Variants in SNORC observed in about 807,000 individuals in gnomAD.
The protein encoded by SNORC is secondary ossification center associated regulator of chondrocyte maturation.
In SNORC, 11 loss-of-function variants were observed where a neutral mutation model predicts 9.7. The ratio of observed to expected loss-of-function variants is 1.14; its 90% CI spans 0.72 to 1.88. The LOEUF (loss-of-function observed/expected upper bound fraction) is 1.88. Ranked by LOEUF, SNORC falls within the 40% of genes most tolerant of loss-of-function variation. SNORC has a pLI of 0.00. For missense variants in SNORC, 197 were observed against 173.1 expected (o/e 1.14, Z -0.77); for synonymous variants, 108 against 88.7 (o/e 1.22, Z -1.22).
chr2:232,867,267 C>G (rs917267080), upstream of SNORC, among the ~76,000 whole-genome samples: 6 of 152,294 alleles, frequency 3.9e-5, no homozygotes, highest in African/African-American at 1.4e-4. Flanking sequence ...CTCAGTATTT[C>G]CTTATTTGCT....
intron 1 of SNORC, among the ~76,000 whole-genome samples, chr2:232,871,595 T>C (rs1691026494): frequency 6.6e-6 from 1 of 152,086 alleles, no homozygotes; most frequent in African/African-American, 2.4e-5. Context: ...AACAGAACTC[T>C]ACTTCCTCCC....
intron 1 of SNORC, among the ~76,000 whole-genome samples, chr2:232,873,823 C>G (rs1275177053): frequency 1.3e-5 from 2 of 152,236 alleles, no homozygotes; most frequent in African/African-American, 4.8e-5. Context: ...GGCTGGGTCA[C>G]TTCCCCTCCT....
upstream of SNORC, among the ~76,000 whole-genome samples, chr2:232,866,475 G>A (rs1014800635): frequency 3.3e-5 from 5 of 152,158 alleles, no homozygotes; most frequent in African/African-American, 9.7e-5. Context: ...GTGTAGCTGT[G>A]TATTGCTTGG....
At chr2:232,875,079 C>T (rs998027678) in intron 1 of SNORC, among the ~76,000 whole-genome samples, 3 of 152,196 alleles carry the variant, frequency 2.0e-5, no homozygotes, top group Non-Finnish European at 4.4e-5. Context: ...GTGGCTCACA[C>T]CTGTAATCGC....
At chr2:232,876,601 C>T, downstream of SNORC, 3 of 1,102,220 alleles carry the variant, frequency 2.7e-6, no homozygotes, top group Non-Finnish European at 2.2e-6. The surrounding 1 kb of genome is among the most constrained non-coding windows in gnomAD (Gnocchi z 6.8). Context: ...CATGTCCGAG[C>T]CCGCCTGCGT....
In SNORC at chr2:232,874,421, T is replaced by C. The variant is rs148356425; in HGVS notation, c.74-1519T>C. ...TTCACCAACGGACCTGAGTCTCCGA[T>C]CACAGGCCTGTCCCTCCCCGTCCAG... On this transcript the variant is annotated intron_variant, in intron 1 of 2. Transcript: ENST00000331342. Among the ~76,000 whole-genome samples the C allele has an allele frequency of 5.7e-3, 875 of 152,300 alleles. 3 individuals are homozygous for C. The highest frequency in any genetic ancestry group is 0.02 in the African/African-American group (834 of 41,556).
upstream of SNORC, chr2:232,868,907 C>T (rs2106185463): frequency 6.6e-6 from 1 of 152,366 alleles, no homozygotes; most frequent in South Asian, 2.1e-4. Flanking sequence ...TTCATTCCCA[C>T]ACCATGTTTC....
At chr2:232,871,647 C>T (rs1418592433) in intron 1 of SNORC, among the ~76,000 whole-genome samples, 4 of 152,166 alleles carry the variant, frequency 2.6e-5, no homozygotes, top group Admixed American at 2.0e-4. Flanking sequence ...GTGGAAGAGG[C>T]GCCAGCCTAG....
downstream of SNORC, chr2:232,877,322 T>G (rs532717770): frequency 1.7e-4 from 169 of 985,434 alleles, no homozygotes; most frequent in Non-Finnish European, 2.0e-4. Flanking sequence ...GTGAGGAGCC[T>G]GGTCCAGGGT....
At chr2:232,866,471 CTGTGTATT>C (rs1411675985), upstream of SNORC, among the ~76,000 whole-genome samples, 2 of 152,182 alleles carry the variant, frequency 1.3e-5, no homozygotes, top group African/African-American at 4.8e-5. Context: ...AGCTGTGTAG[CTGTGTATT>C]GCTTGGCATG....
At chr2:232,873,992 C>T (rs1691123933) in intron 1 of SNORC, among the ~76,000 whole-genome samples, 1 of 152,216 alleles carries the variant, frequency 6.6e-6, no homozygotes, top group South Asian at 2.1e-4. Flanking sequence ...AGGGGTTCTG[C>T]CTTGGGCCAG....
downstream of SNORC, chr2:232,877,206 G>A (rs1054726348): frequency 5.1e-6 from 5 of 985,404 alleles, no homozygotes; most frequent in Admixed American, 6.1e-5. Flanking sequence ...GCCTGGCTGG[G>A]GGCCGGCAGC....
chr2:232,876,077 G>A lies in SNORC; in HGVS notation c.211G>A (p.Gly71Arg), dbSNP rs1424347901. The stretch of plus-strand genomic sequence containing the variant: ...TCCCCCAGCCCCCACCGTCGCGCCA[G>A]GACCCGAGGACAGCACCGCGCAGGA... Residue 71 changes from glycine to arginine, a missense_variant, in exon 2 of 3, where the codon GGA (glycine) becomes AGA (arginine). Physicochemically the swap from Gly to Arg is moderately radical, Grantham distance 125. Transcript: ENST00000331342. The surrounding 1 kb of genome is among the most constrained non-coding windows in gnomAD (Gnocchi z 6.8). 2.6e-6 allele frequency: 4 copies of A among 1,531,458 alleles called. No homozygotes were observed. Among genetic ancestry groups the A allele is most frequent in the Admixed American group, 2.0e-5 (1 of 50,524 alleles). 94.9% of individuals were successfully genotyped at this position (1,531,458 alleles called of 1,614,324 possible). A position where few individuals can be genotyped will look rare whatever the true frequency, so the allele number is the denominator to read the frequency against.
downstream of SNORC, chr2:232,877,400 AG>A (rs1376964697): frequency 2.0e-6 from 2 of 981,280 alleles, no homozygotes; most frequent in African/African-American, 3.5e-5. Context: ...TCAGCACAGC[AG>A]GAAGTGGGAA....
chr2:232,875,968 G>C, exon 2 of SNORC: 1 of 1,553,686 alleles, frequency 6.4e-7, no homozygotes, highest in South Asian at 1.2e-5. Flanking sequence ...CCGTGCCCAC[G>C]CTGTGGAACG....
rs200671292 is a variant in SNORC, at chr2:232,876,112, C to T, written c.246C>T (p.Asp82=). ...ACAGCACCGCGCAGGAGCGGCTGGA[C>T]CAGGGCGGCGGTACGGGCGGGGCGG... The change falls in exon 2 of 3, where the codon GAC becomes GAT. Residue 82 remains aspartate, a synonymous_variant. Transcript: ENST00000331342. The surrounding 1 kb of genome is among the most constrained non-coding windows in gnomAD (Gnocchi z 6.8). 0.019 allele frequency: 28,162 copies of T among 1,499,340 alleles called. 305 individuals carry two copies. The highest frequency in any genetic ancestry group is 0.022 in the Non-Finnish European group (25,197 of 1,131,876). The allele number at this position is 1,499,340 out of a possible 1,614,324, so 92.9% of individuals were successfully genotyped here.
At chr2:232,870,248 C>T, upstream of SNORC, 1 of 1,195,088 alleles carries the variant, frequency 8.4e-7, no homozygotes, top group South Asian at 1.3e-5. Flanking sequence ...GAAAACCCTT[C>T]CCAGCCCTTT....
In SNORC at chr2:232,876,010, C is replaced by T. The variant is rs765843820; in HGVS notation, c.144C>T (p.Pro48=). Residue 48 remains proline (P), a synonymous_variant, in exon 2 of 3, where the codon CCC becomes CCT. Coordinates refer to ENST00000331342, the Ensembl canonical transcript of SNORC. The surrounding 1 kb of genome is among the most constrained non-coding windows in gnomAD (Gnocchi z 6.8). ...CCGAGCTGCCGTCGGGAGAAGGCCC[C>T]GTGGAGAGCACCAGCCCCGGCCGGG... 1.9e-6 allele frequency: 3 copies of T among 1,552,170 alleles called. No individual in the cohort carries two copies. The highest frequency in any genetic ancestry group is 2.4e-5 in the East Asian group (1 of 41,598).
downstream of SNORC, chr2:232,876,587 A>C: frequency 6.2e-6 from 7 of 1,133,736 alleles, no homozygotes; most frequent in Non-Finnish European, 7.6e-6. This position sits in a 1 kb window ranked among gnomAD's most constrained non-coding sequence, Gnocchi z 6.8. Context: ...GCGTGAGCGC[A>C]CAGCATGTCC....
Sources: allele counts gnomAD v4.1 joint callset (sites outside exome capture counted in the v4.1 genomes callset), GRCh38; gene constraint gnomAD v4.1.1; non-coding constraint Gnocchi (gnomAD v3.1); transcripts MANE v1.5; gene names NCBI Gene and HGNC (gene_info 2026-07-23, HGNC 2026-07-21).